The following KCNMA1 variants were observed in gnomAD, a reference collection of about 807,000 sequenced individuals.
KCNMA1 encodes the protein Calcium-activated potassium channel subunit alpha-1.
In KCNMA1, 29 loss-of-function variants were observed where a neutral mutation model predicts 140.0. The ratio of observed to expected loss-of-function variants is 0.21; its 90% CI spans 0.15 to 0.28. The LOEUF (loss-of-function observed/expected upper bound fraction) is 0.28, where lower values mean the gene tolerates loss of function less well. Ranked by LOEUF, KCNMA1 falls within the 10% of genes least tolerant of loss-of-function variation. The pLI is 1.00. For synonymous variants in KCNMA1, 612 were observed against 611.9 expected (o/e 1.00, Z 0.00); for missense variants, 880 against 1,602.2 (o/e 0.55, Z 7.70).
chr10:77,000,904 A>C (rs1474094769), intron 19 of KCNMA1, among the ~76,000 whole-genome samples: 2 of 136,934 alleles, frequency 1.5e-5, no homozygotes, highest in Admixed American at 7.4e-5. Flanking sequence ...ATATATATCC[A>C]TCTGCATCAA....
chr10:77,042,384 A>G (rs931900361), intron 14 of KCNMA1, among the ~76,000 whole-genome samples: 6 of 152,234 alleles, frequency 3.9e-5, no homozygotes, highest in Non-Finnish European at 1.5e-5. Context: ...TTAGTAAAAA[A>G]ATGTTGGAAT....
intron 2 of KCNMA1, among the ~76,000 whole-genome samples, chr10:77,284,173 A>C (rs2069788285): frequency 6.6e-6 from 1 of 152,270 alleles, no homozygotes; most frequent in Admixed American, 6.5e-5. Context: ...TCAATTCCTA[A>C]TTGTTCAGGA....
intron 2 of KCNMA1, among the ~76,000 whole-genome samples, chr10:77,365,413 A>G (rs1264069523): frequency 1.3e-5 from 2 of 152,194 alleles, no homozygotes; most frequent in African/African-American, 4.8e-5. Flanking sequence ...TTACTACCAT[A>G]GACGATGGCT....
intron 13 of KCNMA1, among the ~76,000 whole-genome samples, chr10:77,075,693 T>C (rs1159270431): frequency 6.6e-6 from 1 of 152,254 alleles, no homozygotes; most frequent in Non-Finnish European, 1.5e-5. Context: ...CTCAGGGTTC[T>C]GTGCCCTCTT....
chr10:77,077,205 C>T (rs1226765401), intron 13 of KCNMA1, among the ~76,000 whole-genome samples: 1 of 152,132 alleles, frequency 6.6e-6, no homozygotes, highest in Non-Finnish European at 1.5e-5. Flanking sequence ...TCTTCTTTCT[C>T]TAGAAGAGAG....
At chr10:77,168,948 A>G (rs1397971211) in intron 5 of KCNMA1, among the ~76,000 whole-genome samples, 1 of 152,224 alleles carries the variant, frequency 6.6e-6, no homozygotes, top group Non-Finnish European at 1.5e-5. Context: ...ATGTGAACGA[A>G]TGAACATGGC....
At chr10:77,448,889 C>A (rs1441487484) in intron 1 of KCNMA1, among the ~76,000 whole-genome samples, 1 of 151,994 alleles carries the variant, frequency 6.6e-6, no homozygotes, top group Non-Finnish European at 1.5e-5. Flanking sequence ...GAGATCGAGA[C>A]CAGCCAGACT....
At chr10:77,379,153 C>G (rs1384086397) in intron 2 of KCNMA1, among the ~76,000 whole-genome samples, 1 of 152,136 alleles carries the variant, frequency 6.6e-6, no homozygotes, top group Non-Finnish European at 1.5e-5. Flanking sequence ...CCAGGAAAGA[C>G]AACAGACCAA....
At chr10:77,014,655 A>G (rs1007099170) in intron 17 of KCNMA1, among the ~76,000 whole-genome samples, 2 of 152,062 alleles carry the variant, frequency 1.3e-5, no homozygotes, top group Admixed American at 6.6e-5. Flanking sequence ...TAGGTTCCAC[A>G]TGTAAATAAG....
intron 15 of KCNMA1, among the ~76,000 whole-genome samples, chr10:77,034,325 G>T (rs2153558167): frequency 6.6e-6 from 1 of 151,514 alleles, no homozygotes; most frequent in Non-Finnish European, 1.5e-5. Context: ...CCAGGCTAAA[G>T]AAATCTATCA....
intron 5 of KCNMA1, among the ~76,000 whole-genome samples, chr10:77,132,522 ATT>A (rs34605286): frequency 0.37 from 51,514 of 137,964 alleles, 9,753 homozygotes; most frequent in East Asian, 0.72. Context: ...AGCAGGTTAA[ATT>A]TTTTTTTTTT....
intron 2 of KCNMA1, among the ~76,000 whole-genome samples, chr10:77,287,860 T>G (rs2154304804): frequency 6.6e-6 from 1 of 152,328 alleles, no homozygotes; most frequent in East Asian, 1.9e-4. Flanking sequence ...ACTGCTGCCT[T>G]ATCTTGAGCT....
Position 77,039,519 on chromosome 10 carries a change from G to A in KCNMA1, c.1859+9C>T, listed in dbSNP as rs368765573. 12 of 1,497,758 alleles carry A rather than the reference G, an allele frequency of 8.0e-6. No homozygotes were observed. The Admixed American group carries it at 1.8e-4, about 23-fold the overall frequency. 92.8% of individuals were successfully genotyped at this position (1,497,758 alleles called of 1,614,324 possible). ...AAAGCCAAAGAGCATCCAGTTAAAG[G>A]TCACTTACTCACAAACAGTAGGGAA... On this transcript the variant is annotated intron_variant, in intron 15 of 27. Coordinates refer to ENST00000286628, the MANE Select transcript of KCNMA1 (RefSeq NM_001161352.2).
rs767673552 is a variant in KCNMA1 at position 77,382,865 on chromosome 10, CAAA to C, written c.540+20994_540+20996del. 1.5e-3 allele frequency among the ~76,000 whole-genome samples: 70 copies of C among 47,600 alleles called. 2 individuals carry two copies. The highest frequency in any genetic ancestry group is 4.0e-3 in the East Asian group (4 of 994). 31.2% of individuals were successfully genotyped at this position (47,600 alleles called of 152,430 possible). On this transcript the variant is annotated intron_variant, in intron 2 of 27. Transcript: ENST00000286628. ...GGGAGACAAGAGCAAAGCTCCGTCT[CAAA>C]AAAAAAAAAAAAAAAAAATATATAT...
intron 1 of KCNMA1, among the ~76,000 whole-genome samples, chr10:77,627,865 C>T (rs921816304): frequency 3.3e-5 from 5 of 152,238 alleles, no homozygotes; most frequent in African/African-American, 7.2e-5. Flanking sequence ...GGAGGAATCG[C>T]ACAGGGCCTG....
intron 1 of KCNMA1, among the ~76,000 whole-genome samples, chr10:77,496,348 G>A (rs1394316343): frequency 1.3e-5 from 2 of 152,122 alleles, no homozygotes; most frequent in Non-Finnish European, 2.9e-5. Context: ...TGTAATCCCA[G>A]CACTTTGGGA....
At chr10:76,980,568 A>G (rs1216788538) in intron 19 of KCNMA1, 2 of 152,302 alleles carry the variant, frequency 1.3e-5, no homozygotes, top group East Asian at 3.9e-4. Context: ...ACAATCTTTA[A>G]GTCTGAAGAT....
intron 18 of KCNMA1, among the ~76,000 whole-genome samples, chr10:77,010,900 C>CA (rs2090556903): frequency 6.6e-6 from 1 of 151,856 alleles, no homozygotes; most frequent in African/African-American, 2.4e-5. Context: ...TTCCCTTCTG[C>CA]AAAAAAATGT....
At chr10:77,634,812 CACAAT>C in intron 1 of KCNMA1, 1 of 179,868 alleles carries the variant, frequency 5.6e-6, no homozygotes, top group Non-Finnish European at 1.1e-5. Flanking sequence ...CACACACACA[CACAAT>C]TGCAATAAAA....
Sources: gnomAD v4.1 joint callset for allele counts (sites outside exome capture counted in the v4.1 genomes callset) on GRCh38, gnomAD v4.1.1 for gene constraint, MANE v1.5 for transcripts, NCBI Gene and HGNC (gene_info 2026-07-23, HGNC 2026-07-21) for gene names.